Variants in HIVEP3 observed in about 807,000 individuals in gnomAD.
The protein encoded by HIVEP3 is HIVEP zinc finger 3.
In HIVEP3, 49 loss-of-function variants were observed where a neutral mutation model predicts 152.8. The ratio of observed to expected loss-of-function variants is 0.32; its 90% CI spans 0.26 to 0.41. The LOEUF is 0.41. Among genes scored for constraint, HIVEP3 ranks in the 10% least tolerant of loss-of-function variants. The pLI, the probability that HIVEP3 is intolerant of heterozygous loss-of-function variation, is 1.00. For synonymous variants in HIVEP3, 1,269 were observed against 1,289.0 expected (o/e 0.98, Z 0.33); for missense variants, 2,790 against 3,103.3 (o/e 0.90, Z 2.40).
chr1:41,709,790 G>A (rs947313237), intron 1 of HIVEP3, among the ~76,000 whole-genome samples: 25 of 152,254 alleles, frequency 1.6e-4, no homozygotes, highest in African/African-American at 5.1e-4. Context: ...AGTAACCCCC[G>A]CCCTCCACTG....
At chr1:41,891,313 A>G (rs542282935) in intron 1 of HIVEP3, among the ~76,000 whole-genome samples, 2 of 152,362 alleles carry the variant, frequency 1.3e-5, no homozygotes, top group East Asian at 3.9e-4. Flanking sequence ...TTTGGGTTGC[A>G]CATGTATTTC....
At chr1:41,821,426 G>C (rs1449021901) in intron 1 of HIVEP3, among the ~76,000 whole-genome samples, 1 of 152,156 alleles carries the variant, frequency 6.6e-6, no homozygotes, top group Non-Finnish European at 1.5e-5. Context: ...GACCACTCGA[G>C]CTTTTTGGGC....
intron 1 of HIVEP3, among the ~76,000 whole-genome samples, chr1:41,985,056 G>T (rs1165007717): frequency 6.6e-6 from 1 of 152,180 alleles, no homozygotes; most frequent in Non-Finnish European, 1.5e-5. Context: ...TGACTGGTTG[G>T]TTGATTGATT....
At chr1:41,517,563 CCTCT>C (rs895434396) in intron 7 of HIVEP3, among the ~76,000 whole-genome samples, 5 of 146,422 alleles carry the variant, frequency 3.4e-5, no homozygotes, top group Admixed American at 2.0e-4. Context: ...CATACACACT[CCTCT>C]CTGTCACACT....
chr1:41,824,304 C>A (rs1642693894), intron 1 of HIVEP3, among the ~76,000 whole-genome samples: 1 of 152,148 alleles, frequency 6.6e-6, no homozygotes, highest in African/African-American at 2.4e-5. Flanking sequence ...TTCAAATAGT[C>A]ATTTCCACCA....
chr1:41,681,343 C>T (rs1286002226), intron 2 of HIVEP3, among the ~76,000 whole-genome samples: 1 of 152,218 alleles, frequency 6.6e-6, no homozygotes, highest in Non-Finnish European at 1.5e-5. Flanking sequence ...ATCCTCCCGT[C>T]TTAGCCTCAC....
chr1:41,956,421 AG>A (rs1645140879), intron 1 of HIVEP3, among the ~76,000 whole-genome samples: 1 of 152,326 alleles, frequency 6.6e-6, no homozygotes, highest in South Asian at 2.1e-4. Context: ...AATACTCCCT[AG>A]GTCAGGATCT....
In HIVEP3 at chr1:41,634,644, G is replaced by A. The variant is rs148241139; in HGVS notation, c.-720-5697C>T. Among the ~76,000 whole-genome samples the A allele has an allele frequency of 3.4e-3, 521 of 152,180 alleles. 5 individuals carry two copies. The highest frequency in any genetic ancestry group is 0.034 in the South Asian group (165 of 4,828). ...TTAAAACAAACTGACAAAAAAGATG[G>A]AAATCAAATAAATGGAAAAAAGCAA... is the stretch of plus-strand genomic sequence containing the variant. On this transcript the variant is annotated intron_variant, in intron 2 of 8. Coordinates refer to ENST00000372583, the MANE Select transcript of HIVEP3 (RefSeq NM_024503.5).
At chr1:41,940,894 G>A (rs1002365689) in intron 1 of HIVEP3, among the ~76,000 whole-genome samples, 1 of 151,742 alleles carries the variant, frequency 6.6e-6, no homozygotes, top group African/African-American at 2.4e-5. Context: ...GAGGGAGCGG[G>A]GGAGAGAGAG....
chr1:41,816,566 C>T (rs898331033), intron 1 of HIVEP3, among the ~76,000 whole-genome samples: 12 of 152,064 alleles, frequency 7.9e-5, no homozygotes, highest in African/African-American at 2.7e-4. Context: ...GTAATCCCAG[C>T]TACTCAGGAG....
chr1:41,948,060 C>T (rs1023470189), intron 1 of HIVEP3, among the ~76,000 whole-genome samples: 4 of 152,252 alleles, frequency 2.6e-5, no homozygotes, highest in African/African-American at 4.8e-5. Context: ...TAACTGTCCA[C>T]AAGTAATTGC....
At chr1:41,760,903 T>C (rs933925855) in intron 1 of HIVEP3, among the ~76,000 whole-genome samples, 1 of 152,208 alleles carries the variant, frequency 6.6e-6, no homozygotes, top group East Asian at 1.9e-4. Context: ...TCTCCTCCCA[T>C]GACCCTCAAA....
chr1:41,648,938 G>A (rs886784671), intron 2 of HIVEP3, among the ~76,000 whole-genome samples: 3 of 152,262 alleles, frequency 2.0e-5, no homozygotes, highest in Middle Eastern at 3.2e-3. Flanking sequence ...TAACAGTGCT[G>A]CATAGTTGAT....
At chr1:41,595,395 T>C (rs542885571) in intron 3 of HIVEP3, among the ~76,000 whole-genome samples, 15 of 152,262 alleles carry the variant, frequency 9.9e-5, no homozygotes, top group African/African-American at 3.6e-4. Context: ...CCTGGCCTCC[T>C]CTCTCTCCAT....
At chr1:41,845,309 A>G (rs546214231) in intron 1 of HIVEP3, among the ~76,000 whole-genome samples, 2 of 152,178 alleles carry the variant, frequency 1.3e-5, no homozygotes, top group African/African-American at 4.8e-5. Flanking sequence ...TCTGACACAT[A>G]ATAGGTGCTC....
chr1:41,942,375 T>C (rs1645050144), intron 1 of HIVEP3, among the ~76,000 whole-genome samples: 1 of 152,236 alleles, frequency 6.6e-6, no homozygotes, highest in African/African-American at 2.4e-5. Context: ...CCCTAAAATA[T>C]CAGTAGTTTC....
intron 1 of HIVEP3, among the ~76,000 whole-genome samples, chr1:41,999,320 T>C (rs1645413776): frequency 6.6e-6 from 1 of 152,172 alleles, no homozygotes; most frequent in Non-Finnish European, 1.5e-5. Context: ...TGAATCAGAT[T>C]CTCATTCTTG....
At chr1:41,577,864 G>A (rs1267307186) in intron 4 of HIVEP3, among the ~76,000 whole-genome samples, 1 of 152,204 alleles carries the variant, frequency 6.6e-6, no homozygotes, top group African/African-American at 2.4e-5. Flanking sequence ...AAGGCCTTAA[G>A]CCATAGACCA....
intron 5 of HIVEP3, among the ~76,000 whole-genome samples, chr1:41,549,427 T>C (rs1643872598): frequency 6.6e-6 from 1 of 152,244 alleles, no homozygotes; most frequent in African/African-American, 2.4e-5. Flanking sequence ...TTTCTAATTC[T>C]AGATCTTTGA....
Sources: gnomAD v4.1 joint callset for allele counts (sites outside exome capture counted in the v4.1 genomes callset) on GRCh38, gnomAD v4.1.1 for gene constraint, MANE v1.5 for transcripts, NCBI Gene and HGNC (gene_info 2026-07-23, HGNC 2026-07-21) for gene names.